The following ARMC8 variants were observed in gnomAD, a reference collection of about 807,000 sequenced individuals.
ARMC8 encodes armadillo repeat-containing protein 8.
In ARMC8, 20 loss-of-function variants were observed where a neutral mutation model predicts 99.3. The ratio of observed to expected loss-of-function variants is 0.20; its 90% CI spans 0.14 to 0.29. The LOEUF (loss-of-function observed/expected upper bound fraction) is 0.29. Among genes scored for constraint, ARMC8 ranks in the 10% least tolerant of loss-of-function variants. ARMC8 has a pLI of 1.00. For synonymous variants in ARMC8, 263 were observed against 278.3 expected, an observed-to-expected ratio of 0.95 and a Z score of 0.55; for missense variants, 569 against 809.5, an observed-to-expected ratio of 0.70 and a Z score of 3.60.
intron 21 of ARMC8, 25 bp downstream of exon 21, chr3:138,290,664 T>G: frequency 1.3e-6 from 2 of 1,489,126 alleles, no homozygotes; most frequent in East Asian, 4.6e-5. Flanking sequence ...GAAAAGGCCT[T>G]GCTTTGGGCT....
At chr3:138,190,577 C>T (rs1315128453) in intron 1 of ARMC8, among the ~76,000 whole-genome samples, 1 of 152,182 alleles carries the variant, frequency 6.6e-6, no homozygotes, top group Non-Finnish European at 1.5e-5. Flanking sequence ...GTGTGAGCCA[C>T]TGCACCCGGC....
chr3:138,291,105 T>C (rs1236865231), intron 21 of ARMC8, among the ~76,000 whole-genome samples: 3 of 152,266 alleles, frequency 2.0e-5, no homozygotes, highest in Non-Finnish European at 2.9e-5. Context: ...TCAAGAGTTA[T>C]AATCAGATAC....
chr3:138,281,604 A>C (rs2049936853), intron 18 of ARMC8, among the ~76,000 whole-genome samples: 1 of 151,858 alleles, frequency 6.6e-6, no homozygotes, highest in Non-Finnish European at 1.5e-5. Flanking sequence ...TGATTTCTTT[A>C]AGATTTGATT....
At chr3:138,214,761 A>G (rs1041580177) in intron 2 of ARMC8, among the ~76,000 whole-genome samples, 5 of 152,134 alleles carry the variant, frequency 3.3e-5, no homozygotes, top group Admixed American at 1.3e-4. Flanking sequence ...GGTTCAAGCA[A>G]TTCTGCCTCA....
intron 12 of ARMC8, among the ~76,000 whole-genome samples, chr3:138,254,519 A>C (rs1444847234): frequency 6.6e-6 from 1 of 152,174 alleles, no homozygotes; most frequent in African/African-American, 2.4e-5. Context: ...GACAGATGGA[A>C]GTCTCAGTTG....
chr3:138,221,798 T>C, intron 2 of ARMC8, 128 bp from the exon 3 acceptor site: 1 of 682,196 alleles, frequency 1.5e-6, no homozygotes, highest in Non-Finnish European at 2.5e-6. Flanking sequence ...TCATTAGTAC[T>C]TTAGGTGAAA....
rs773294683 is a variant in ARMC8 at position 138,221,936 on chromosome 3, A to G, written c.133A>G (p.Asn45Asp). The change falls in exon 3 of 22, where the codon AAT (asparagine) becomes GAT (aspartate). Residue 45 changes from asparagine (N) to aspartate (D), a missense_variant. By Grantham distance (23) the Asn-to-Asp change is conservative. Around this residue, in one of 2 missense-constraint regions of ARMC8, gnomAD observed 342 missense variants for 391.6 expected, o/e 0.87. Coordinates refer to ENST00000469044, the MANE Select transcript of ARMC8 (RefSeq NM_001363941.2). Reference sequence around the variant, plus strand: ...TTCCCCTTAATTCAGAGACATGAAAAATGCTGTAATTGGAAACAACAAGCA... The same window carrying G: ...TTCCCCTTAATTCAGAGACATGAAAGATGCTGTAATTGGAAACAACAAGCA... Reference protein sequence around the residue: ...KVLQGVIDMKNAVIGNNKQKA... With the variant: ...KVLQGVIDMKDAVIGNNKQKA... 27 of 1,612,920 alleles carry G rather than the reference A, an allele frequency of 1.7e-5. No individual in the cohort carries two copies. Among genetic ancestry groups the G allele is most frequent in the Non-Finnish European group, 8.5e-7 (1 of 1,179,242 alleles).
At chr3:138,282,405 T>C (rs1238626351) in intron 18 of ARMC8, among the ~76,000 whole-genome samples, 1 of 152,124 alleles carries the variant, frequency 6.6e-6, no homozygotes, top group East Asian at 1.9e-4. Context: ...CCCAGCACTT[T>C]GGGAGGCCAG....
chr3:138,293,118 G>A (rs2051132107), intron 21 of ARMC8, among the ~76,000 whole-genome samples: 1 of 152,182 alleles, frequency 6.6e-6, no homozygotes, highest in African/African-American at 2.4e-5. Context: ...TGGCTGTCAG[G>A]TTGTCTGCTC....
rs992445881 is a variant in ARMC8, at chr3:138,287,358, G to A, written c.1822-1690G>A. 1.2e-4 allele frequency among the ~76,000 whole-genome samples: 18 copies of A among 151,972 alleles called. 1 individual carries two copies. The highest frequency in any genetic ancestry group is 1.0e-3 in the Admixed American group (16 of 15,258). ...AAGCCCCTTGCTCTTTGCACATCTGGCACCTTCCTATTCTTTAAGTCTCTG... is the reference window on the plus strand; with the variant it reads ...AAGCCCCTTGCTCTTTGCACATCTGACACCTTCCTATTCTTTAAGTCTCTG... On this transcript the variant is annotated intron_variant, in intron 19 of 21. Coordinates refer to ENST00000469044, the MANE Select transcript of ARMC8 (RefSeq NM_001363941.2).
chr3:138,212,287 CATT>C (rs1416394708), intron 2 of ARMC8, among the ~76,000 whole-genome samples: 1 of 150,336 alleles, frequency 6.7e-6, no homozygotes, highest in Non-Finnish European at 1.5e-5. Flanking sequence ...TTACTTTCAA[CATT>C]ATCTGTCTTT....
intron 1 of ARMC8, among the ~76,000 whole-genome samples, chr3:138,207,038 G>A (rs1225392273): frequency 3.3e-5 from 5 of 152,096 alleles, no homozygotes; most frequent in Non-Finnish European, 5.9e-5. Context: ...TACATCCTGC[G>A]GTGCCTCTCT....
At chr3:138,290,706 T>C (rs1053846389) in intron 21 of ARMC8, 67 bp downstream of exon 21, 3 of 1,036,852 alleles carry the variant, frequency 2.9e-6, no homozygotes, top group African/African-American at 1.6e-5. Context: ...GGGTTTGAAT[T>C]GCTTGGTAAT....
rs964666124 is a variant in ARMC8 at position 138,255,782 on chromosome 3, C to A, written c.1135-7957C>A. ...ATCCCTTGAGGTCAGGAGCTCAAGA[C>A]CAGCCTGGCCAACATGGTGAAACCC... On this transcript the variant is annotated intron_variant, in intron 12 of 21. Transcript: ENST00000469044. Among the ~76,000 whole-genome samples the A allele has an allele frequency of 2.6e-5, 4 of 152,288 alleles. No homozygotes were observed. In the South Asian group the frequency reaches 8.3e-4, roughly 32 times the overall value.
At position 138,224,487 on chromosome 3, in the gene ARMC8, C is replaced by T. The variant is rs544399184; in HGVS notation, c.435+754C>T. ...AGTCTCCGCTGGGTACAGTGGCTCA[C>T]GCCTGTAATCCTAGCAGTTTGGGAG... On this transcript the variant is annotated intron_variant, in intron 5 of 21. Coordinates refer to ENST00000469044, the MANE Select transcript of ARMC8 (RefSeq NM_001363941.2). 6.6e-5 allele frequency among the ~76,000 whole-genome samples: 10 copies of T among 152,276 alleles called. No individual in the cohort carries two copies. In the East Asian group the frequency reaches 7.7e-4, roughly 12 times the overall value.
chr3:138,222,859 G>C (rs1316835018), intron 3 of ARMC8, among the ~76,000 whole-genome samples: 1 of 152,204 alleles, frequency 6.6e-6, no homozygotes, highest in Non-Finnish European at 1.5e-5. Flanking sequence ...GGCAAGCTGG[G>C]CTGGAGTGGA....
chr3:138,295,776 C>T (rs545842437), intron 21 of ARMC8, 83 bp from the exon 22 acceptor site: 1 of 1,501,794 alleles, frequency 6.7e-7, no homozygotes, highest in African/African-American at 1.4e-5. Context: ...TTAGACTTCC[C>T]CAGCTATCAT....
chr3:138,228,243 G>A (rs2108105666), intron 5 of ARMC8, among the ~76,000 whole-genome samples: 1 of 152,340 alleles, frequency 6.6e-6, no homozygotes, highest in Admixed American at 6.5e-5. Flanking sequence ...GCCTCCCAAA[G>A]TGCTGGGATT....
At chr3:138,199,215 C>A (rs1428127443) in intron 1 of ARMC8, among the ~76,000 whole-genome samples, 1 of 152,058 alleles carries the variant, frequency 6.6e-6, no homozygotes, top group East Asian at 1.9e-4. Context: ...AAAAATAGTA[C>A]ACAAGGGGTA....
Sources: gnomAD v4.1 joint callset for allele counts (sites outside exome capture counted in the v4.1 genomes callset) on GRCh38, gnomAD v4.1.1 for gene constraint, gnomAD v4.1.1 regional missense constraint, MANE v1.5 for transcripts, NCBI Gene and HGNC (gene_info 2026-07-23, HGNC 2026-07-21) for gene names.